Variants in ZC3H12B observed in about 807,000 individuals in gnomAD.
ZC3H12B encodes zinc finger CCCH-type containing 12B, also known as probable ribonuclease ZC3H12B.
In ZC3H12B, 7 loss-of-function variants were observed where a neutral mutation model predicts 43.9. The observed-to-expected ratio is 0.16, with a 90% CI of 0.09 to 0.30. ZC3H12B has a LOEUF of 0.30. Ranked by LOEUF, ZC3H12B falls within the 10% of genes least tolerant of loss-of-function variation. The pLI is 1.00. For synonymous variants in ZC3H12B, 222 were observed against 241.7 expected, an observed-to-expected ratio of 0.92 and a Z score of 0.76; for missense variants, 475 against 670.2, an observed-to-expected ratio of 0.71 and a Z score of 3.22.
intron 2 of ZC3H12B, among the ~76,000 whole-genome samples, chrX:65,387,546 G>T (rs1273803911): frequency 2.7e-5 from 3 of 111,991 alleles, no homozygotes; most frequent in African/African-American, 9.7e-5. Context: ...GTGCATGTGA[G>T]ATGGGTTTCC....
At chrX:65,505,401 G>GCAT (rs2068415393) in exon 5 of ZC3H12B, 1 of 112,449 alleles carries the variant, frequency 8.9e-6, no homozygotes, top group African/African-American at 3.2e-5. Context: ...GATCAATACT[G>GCAT]CATCTTAACC....
At chrX:65,326,222 A>AG in the ZC3H12B span, among the ~76,000 whole-genome samples, 1 of 112,068 alleles carries the variant, frequency 8.9e-6, no homozygotes, top group African/African-American at 3.2e-5. Context: ...GGTACAGTGA[A>AG]GAGACAACCT....
chrX:65,260,808 C>A, the ZC3H12B span, among the ~76,000 whole-genome samples: 1 of 111,675 alleles, frequency 9.0e-6, no homozygotes, highest in Non-Finnish European at 1.9e-5. Flanking sequence ...CATTCAGAGG[C>A]TGGGATAAAT....
chrX:65,158,421 C>T, the ZC3H12B span, among the ~76,000 whole-genome samples: 2 of 111,587 alleles, frequency 1.8e-5, no homozygotes, highest in East Asian at 2.8e-4. Flanking sequence ...TCTCCACATC[C>T]TCTCCAGCAC....
chrX:65,083,878 C>T, the ZC3H12B span, among the ~76,000 whole-genome samples: 4 of 111,548 alleles, frequency 3.6e-5, no homozygotes, highest in African/African-American at 1.3e-4. Flanking sequence ...ACCATAGTAA[C>T]CAAAACACTG....
chrX:65,353,424 G>A, the ZC3H12B span, among the ~76,000 whole-genome samples: 1 of 111,551 alleles, frequency 9.0e-6, no homozygotes, highest in African/African-American at 3.3e-5. Context: ...TCAGTCGCAC[G>A]TCTCTAACCT....
chrX:65,201,771 G>C, the ZC3H12B span, among the ~76,000 whole-genome samples: 3 of 106,446 alleles, frequency 2.8e-5, 1 homozygote, highest in African/African-American at 1.0e-4. Context: ...TTGAATTGTA[G>C]TTCCCATAAT....
At chrX:65,257,255 A>G in the ZC3H12B span, among the ~76,000 whole-genome samples, 16 of 112,161 alleles carry the variant, frequency 1.4e-4, no homozygotes, top group Non-Finnish European at 2.8e-4. Context: ...CATATACACC[A>G]TGGAATACTA....
chrX:65,224,561 C>A, the ZC3H12B span, among the ~76,000 whole-genome samples: 1 of 112,761 alleles, frequency 8.9e-6, no homozygotes, highest in East Asian at 2.8e-4. Context: ...TGAGCCAAAG[C>A]AGGGCGAGGC....
chrX:65,222,669 C>T, the ZC3H12B span, among the ~76,000 whole-genome samples: 1 of 106,432 alleles, frequency 9.4e-6, no homozygotes, highest in African/African-American at 3.4e-5. Context: ...TAGGAAATTA[C>T]ATAACCAAGG....
At chrX:65,101,096 C>T in the ZC3H12B span, among the ~76,000 whole-genome samples, 1 of 111,924 alleles carries the variant, frequency 8.9e-6, no homozygotes, top group Admixed American at 9.5e-5. Context: ...GAAACTCACT[C>T]AAAATGGCAC....
chrX:65,346,442 C>T, the ZC3H12B span, among the ~76,000 whole-genome samples: 2 of 111,218 alleles, frequency 1.8e-5, no homozygotes, highest in Admixed American at 9.6e-5. Context: ...AATGAAACTG[C>T]ACCCCTATCT....
chrX:65,278,271 A>G, the ZC3H12B span, among the ~76,000 whole-genome samples: 1 of 111,686 alleles, frequency 9.0e-6, no homozygotes, highest in Non-Finnish European at 1.9e-5. Flanking sequence ...ATGCATTAGC[A>G]TGCTAAAAGA....
chrX:65,497,755 C>T (rs1354150014), intron 2 of ZC3H12B, among the ~76,000 whole-genome samples: 1 of 112,131 alleles, frequency 8.9e-6, no homozygotes, highest in Non-Finnish European at 1.9e-5. Context: ...AATGATATTG[C>T]TAAGGTCCCA....
At chrX:65,060,073 G>A in the ZC3H12B span, among the ~76,000 whole-genome samples, 2 of 92,999 alleles carry the variant, frequency 2.2e-5, no homozygotes, top group African/African-American at 1.6e-4. Flanking sequence ...TTTGTATCCT[G>A]CAACTTTGCT....
At chrX:65,182,341 C>T in the ZC3H12B span, among the ~76,000 whole-genome samples, 9 of 111,001 alleles carry the variant, frequency 8.1e-5, no homozygotes, top group Non-Finnish European at 3.8e-5. Context: ...ATAGGTGTAG[C>T]AAACCACCAT....
intron 3 of ZC3H12B, among the ~76,000 whole-genome samples, chrX:65,406,908 C>G (rs2066835907): frequency 8.9e-6 from 1 of 112,372 alleles, no homozygotes; most frequent in South Asian, 3.6e-4. Flanking sequence ...GTGACTACTC[C>G]GGACTCGCCG....
chrX:65,168,579 CT>C, the ZC3H12B span, among the ~76,000 whole-genome samples: 2 of 110,922 alleles, frequency 1.8e-5, no homozygotes, highest in Non-Finnish European at 3.8e-5. Context: ...AAGATTCCCT[CT>C]TTTTCTATTG....
At chrX:65,310,271 TCTC>T in the ZC3H12B span, among the ~76,000 whole-genome samples, 432 of 111,861 alleles carry the variant, frequency 3.9e-3, 3 homozygotes, top group African/African-American at 0.013. Flanking sequence ...CAGCCCAAAA[TCTC>T]CTGAAACTGA....
Sources: allele counts gnomAD v4.1 joint callset (sites outside exome capture counted in the v4.1 genomes callset), GRCh38; gene constraint gnomAD v4.1.1; transcripts MANE v1.5; gene names NCBI Gene and HGNC (gene_info 2026-07-23, HGNC 2026-07-21).